The following LRSAM1 variants were observed in gnomAD, a reference collection of about 807,000 sequenced individuals.
LRSAM1 encodes E3 ubiquitin-protein ligase LRSAM1.
LRSAM1 carries 96 observed loss-of-function variants against 118.1 expected under a neutral mutation model. The ratio of observed to expected loss-of-function variants is 0.81; its 90% CI spans 0.69 to 0.96. LRSAM1 has a LOEUF of 0.96. Ranked by LOEUF, LRSAM1 falls within the 40% of genes least tolerant of loss-of-function variation. The pLI, the probability that LRSAM1 is intolerant of heterozygous loss-of-function variation, is 0.00. For missense variants in LRSAM1, 804 were observed against 915.5 expected, an observed-to-expected ratio of 0.88 and a Z score of 1.57; for synonymous variants, 322 against 364.2, an observed-to-expected ratio of 0.88 and a Z score of 1.32.
intron 22 of LRSAM1, 130 bp downstream of exon 22, chr9:127,495,548 C>T: frequency 1.3e-6 from 1 of 794,286 alleles, no homozygotes; most frequent in African/African-American, 1.7e-5. Context: ...GATCCTGTGC[C>T]AAGCCCCAGT....
intron 10 of LRSAM1, among the ~76,000 whole-genome samples, chr9:127,470,279 C>T (rs1044293327): frequency 7.2e-5 from 11 of 152,056 alleles, no homozygotes; most frequent in African/African-American, 2.7e-4. Flanking sequence ...CCTCAGGAAA[C>T]TTACAGTCAT....
intron 19 of LRSAM1, among the ~76,000 whole-genome samples, chr9:127,490,835 A>G (rs1835907674): frequency 6.6e-6 from 1 of 152,158 alleles, no homozygotes; most frequent in Non-Finnish European, 1.5e-5. Flanking sequence ...GAGGGACAAG[A>G]GAACTTGACC....
At chr9:127,492,252 G>A (rs1324544754) in intron 20 of LRSAM1, among the ~76,000 whole-genome samples, 1 of 152,236 alleles carries the variant, frequency 6.6e-6, no homozygotes, top group Non-Finnish European at 1.5e-5. Flanking sequence ...AGCCCTTTGT[G>A]AGCCTTGAAA....
chr9:127,488,537 C>T (rs1190667536), intron 18 of LRSAM1, among the ~76,000 whole-genome samples: 1 of 152,088 alleles, frequency 6.6e-6, no homozygotes, highest in Non-Finnish European at 1.5e-5. Context: ...GCTGGATTTA[C>T]AGGCATCAGA....
At chr9:127,495,557 G>A (rs1836100487) in intron 22 of LRSAM1, 139 bp downstream of exon 22, 1 of 759,608 alleles carries the variant, frequency 1.3e-6, no homozygotes, top group African/African-American at 1.7e-5. Flanking sequence ...CCAAGCCCCA[G>A]TGGAGACAGA....
rs2132134915 is a variant in LRSAM1, at chr9:127,503,035, G to A, written c.*136G>A. 1.7e-6 allele frequency: 2 copies of A among 1,193,792 alleles called. No homozygotes were observed. Among genetic ancestry groups the A allele is most frequent in the East Asian group, 5.1e-5 (2 of 38,930 alleles). 73.9% of individuals were successfully genotyped at this position (1,193,792 alleles called of 1,614,324 possible). On this transcript the variant is annotated 3_prime_UTR_variant, in exon 26 of 26. Transcript: ENST00000300417. ...TGGGCCCCTTCCCCACTGCCCAGGA[G>A]CCCCCATCCTAAGCTCCAAGCATGT...
At chr9:127,499,228 A>G (rs1366287752) in intron 24 of LRSAM1, among the ~76,000 whole-genome samples, 1 of 151,994 alleles carries the variant, frequency 6.6e-6, no homozygotes, top group Non-Finnish European at 1.5e-5. Context: ...AAATAAAATT[A>G]GCTGGGTGTG....
intron 19 of LRSAM1, among the ~76,000 whole-genome samples, chr9:127,489,823 C>A (rs953872837): frequency 8.5e-5 from 13 of 152,252 alleles, no homozygotes; most frequent in Non-Finnish European, 1.6e-4. Flanking sequence ...GCTCCAGCTG[C>A]CTCTGCTGTC....
intron 11 of LRSAM1, among the ~76,000 whole-genome samples, chr9:127,475,561 A>C (rs1484807673): frequency 2.0e-5 from 3 of 152,156 alleles, no homozygotes; most frequent in African/African-American, 7.2e-5. Flanking sequence ...AGGCATGTTA[A>C]GTTAAAACAA....
rs1835848502 is a variant in LRSAM1 at position 127,489,442 on chromosome 9, A to G, written c.1348-2A>G. On this transcript the variant is annotated splice_acceptor_variant, in intron 18 of 25. Transcript: ENST00000300417. LOFTEE classifies it high-confidence loss of function. ...GCTGAGGGCTGGTGGTCTGTGTTGC[A>G]GAGCGCGATGCAGAAGGCTGCGTTC... is the stretch of plus-strand genomic sequence containing the variant. The G allele has an allele frequency of 6.2e-7, 1 of 1,605,842 alleles. No homozygotes were observed. Among genetic ancestry groups the G allele is most frequent in the African/African-American group, 1.3e-5 (1 of 74,902 alleles).
intron 10 of LRSAM1, among the ~76,000 whole-genome samples, chr9:127,469,914 G>A (rs926604035): frequency 7.2e-5 from 11 of 152,200 alleles, no homozygotes; most frequent in East Asian, 1.9e-4. Flanking sequence ...GCAGTGAGCC[G>A]AGATTGCGCC....
intron 19 of LRSAM1, among the ~76,000 whole-genome samples, chr9:127,490,526 G>A (rs1835896565): frequency 6.6e-6 from 1 of 152,050 alleles, no homozygotes; most frequent in Admixed American, 6.6e-5. Flanking sequence ...ACTGCAGATG[G>A]TTTTGACCAG....
rs775001547 is a variant in LRSAM1, at chr9:127,487,649, T to G, written c.1260-27T>G. 5.0e-6 allele frequency: 8 copies of G among 1,608,220 alleles called. No individual in the cohort carries two copies. The South Asian group carries it at 8.9e-5, about 18-fold the overall frequency. On this transcript the variant is annotated intron_variant, in intron 17 of 25. Transcript: ENST00000300417. ...AGGTGCTCGGGAAACGTTCCAAGAA[T>G]GAATGAATTTGCTGTCTTTCTGGCA... is the stretch of plus-strand genomic sequence containing the variant.
rs770106776 is a variant in LRSAM1, at chr9:127,502,856, G to A, written c.2129G>A (p.Arg710His). Residue 710 changes from arginine to histidine, a missense_variant, in exon 26 of 26, where the codon CGC becomes CAC. By Grantham distance (29) the Arg-to-His change is conservative (BLOSUM62 0). Transcript: ENST00000300417. Reference sequence around the variant, plus strand: ...CCACTGCGCACCTGCCCGCTGTGCCGCCAGGACATCGCCCAGCGCCTCCGC... The same window carrying A: ...CCACTGCGCACCTGCCCGCTGTGCCACCAGGACATCGCCCAGCGCCTCCGC... ...CQPLRTCPLC[R>H]QDIAQRLRIY... is the part of the protein sequence containing the mutation. 9.9e-6 allele frequency: 16 copies of A among 1,610,802 alleles called. No homozygotes were observed. Among genetic ancestry groups the A allele is most frequent in the Middle Eastern group, 1.7e-4 (1 of 5,868 alleles).
At chr9:127,481,068 G>T in intron 14 of LRSAM1, 115 bp from the exon 15 acceptor site, 1 of 1,048,554 alleles carries the variant, frequency 9.5e-7, no homozygotes, top group Non-Finnish European at 1.5e-6. Flanking sequence ...GCTTCAAGGT[G>T]GTGGAGCCAA....
intron 10 of LRSAM1, among the ~76,000 whole-genome samples, chr9:127,472,997 G>A (rs1835229569): frequency 6.6e-6 from 1 of 152,092 alleles, no homozygotes; most frequent in Admixed American, 6.5e-5. Context: ...ATGAGGAGTG[G>A]CTGGGAGGAC....
chr9:127,481,255 A>ATTTTTT, intron 15 of LRSAM1, 28 bp downstream of exon 15: 3 of 1,490,412 alleles, frequency 2.0e-6, no homozygotes, highest in Non-Finnish European at 1.8e-6. Flanking sequence ...GGAGGGCAGC[A>ATTTTTT]TTTTTTTTTT....
intron 10 of LRSAM1, among the ~76,000 whole-genome samples, chr9:127,471,776 G>A (rs1194349268): frequency 6.6e-6 from 1 of 151,496 alleles, no homozygotes; most frequent in Non-Finnish European, 1.5e-5. Context: ...GACAGAGCAA[G>A]ACTCCATCTC....
intron 18 of LRSAM1, among the ~76,000 whole-genome samples, chr9:127,488,758 T>G (rs10987667): frequency 0.15 from 23,318 of 151,380 alleles, 2,258 homozygotes; most frequent in East Asian, 0.28. Context: ...CCAGCTAATT[T>G]TTTTTTATTT....
Sources: gnomAD v4.1 joint callset for allele counts (sites outside exome capture counted in the v4.1 genomes callset) on GRCh38, gnomAD v4.1.1 for gene constraint, MANE v1.5 for transcripts, NCBI Gene and HGNC (gene_info 2026-07-23, HGNC 2026-07-21) for gene names.